The following EFNA5 variants were observed in gnomAD, a reference collection of about 807,000 sequenced individuals.
The protein encoded by EFNA5 is ephrin-A5.
In EFNA5, 5 loss-of-function variants were observed where a neutral mutation model predicts 22.9. That is an observed-to-expected ratio of 0.22 (90% CI 0.11 to 0.46). The LOEUF (loss-of-function observed/expected upper bound fraction) is 0.46. EFNA5 is among the 20% of genes least tolerant of loss of function. The pLI is 0.99. For missense variants in EFNA5, 237 were observed against 293.3 expected, an observed-to-expected ratio of 0.81 and a Z score of 1.40; for synonymous variants, 113 against 112.2, an observed-to-expected ratio of 1.01 and a Z score of -0.04.
At chr5:107,572,880 T>C (rs1337588198) in intron 1 of EFNA5, among the ~76,000 whole-genome samples, 1 of 152,198 alleles carries the variant, frequency 6.6e-6, no homozygotes, top group East Asian at 1.9e-4. Context: ...CTTATGATGA[T>C]TCCCTTCAGA....
chr5:107,388,316 G>T (rs1747692628), intron 2 of EFNA5, among the ~76,000 whole-genome samples: 1 of 152,126 alleles, frequency 6.6e-6, no homozygotes, highest in Admixed American at 6.6e-5. Flanking sequence ...TCAATTAGAG[G>T]TTTTACTCAG....
At chr5:107,465,018 C>A (rs1749934770) in intron 1 of EFNA5, among the ~76,000 whole-genome samples, 1 of 151,682 alleles carries the variant, frequency 6.6e-6, no homozygotes, top group Non-Finnish European at 1.5e-5. Flanking sequence ...GAAGCACGGC[C>A]TAAGGGTTTA....
At chr5:107,525,482 A>AT (rs1747676653) in intron 1 of EFNA5, among the ~76,000 whole-genome samples, 1 of 152,214 alleles carries the variant, frequency 6.6e-6, no homozygotes, top group Admixed American at 6.5e-5. Context: ...CTTAAACCTT[A>AT]AATACTAATA....
At chr5:107,533,966 C>A (rs1162232188) in intron 1 of EFNA5, among the ~76,000 whole-genome samples, 1 of 152,226 alleles carries the variant, frequency 6.6e-6, no homozygotes. Context: ...ATTCGGAAAG[C>A]TTTCCATATC....
intron 1 of EFNA5, among the ~76,000 whole-genome samples, chr5:107,472,689 T>C (rs908752244): frequency 2.6e-5 from 4 of 152,274 alleles, no homozygotes; most frequent in African/African-American, 9.6e-5. Context: ...CATGGACCTG[T>C]CTCAATCAAG....
At chr5:107,508,556 TA>T (rs1747298224) in intron 1 of EFNA5, among the ~76,000 whole-genome samples, 1 of 152,216 alleles carries the variant, frequency 6.6e-6, no homozygotes, top group Non-Finnish European at 1.5e-5. Context: ...CAAATTTTCA[TA>T]ATAACTTCAG....
chr5:107,604,991 T>C (rs1749681827), intron 1 of EFNA5, among the ~76,000 whole-genome samples: 1 of 152,212 alleles, frequency 6.6e-6, no homozygotes, highest in Non-Finnish European at 1.5e-5. Flanking sequence ...ACCAGCAGCC[T>C]AAAGACAGTG....
intron 2 of EFNA5, among the ~76,000 whole-genome samples, chr5:107,405,528 T>G (rs1748185482): frequency 6.6e-6 from 1 of 152,212 alleles, no homozygotes; most frequent in South Asian, 2.1e-4. Context: ...AATCAATGAA[T>G]GTCCTATTTA....
At chr5:107,382,969 A>G (rs1236166674) in intron 4 of EFNA5, among the ~76,000 whole-genome samples, 2 of 152,214 alleles carry the variant, frequency 1.3e-5, no homozygotes, top group African/African-American at 4.8e-5. Context: ...TGTCACAATA[A>G]GGGTGCTTTT....
chr5:107,640,684 A>C (rs1045589403), intron 1 of EFNA5, among the ~76,000 whole-genome samples: 1 of 152,238 alleles, frequency 6.6e-6, no homozygotes, highest in Admixed American at 6.5e-5. Context: ...GTCAATTTGG[A>C]AGAGGCTAAT....
intron 1 of EFNA5, among the ~76,000 whole-genome samples, chr5:107,546,072 G>T (rs1446035446): frequency 6.6e-6 from 1 of 152,142 alleles, no homozygotes; most frequent in African/African-American, 2.4e-5. Flanking sequence ...ACTGCCCAGA[G>T]AGATGGGGGC....
chr5:107,664,265 T>C (rs1198261550), intron 1 of EFNA5, among the ~76,000 whole-genome samples: 2 of 152,152 alleles, frequency 1.3e-5, no homozygotes, highest in South Asian at 2.1e-4. Flanking sequence ...TCATGCAAAA[T>C]AGTTGTAGTC....
At chr5:107,431,004 G>C (rs1363255851) in intron 1 of EFNA5, among the ~76,000 whole-genome samples, 1 of 152,042 alleles carries the variant, frequency 6.6e-6, no homozygotes, top group Non-Finnish European at 1.5e-5. Context: ...TCAATCTCCT[G>C]ACCTCGTGAT....
intron 1 of EFNA5, among the ~76,000 whole-genome samples, chr5:107,498,255 C>A (rs1352386444): frequency 1.3e-5 from 2 of 152,206 alleles, no homozygotes; most frequent in African/African-American, 2.4e-5. Context: ...AGTTTCAATG[C>A]AAATATAAGA....
At chr5:107,434,145 T>C (rs904078969) in intron 1 of EFNA5, among the ~76,000 whole-genome samples, 2 of 152,328 alleles carry the variant, frequency 1.3e-5, no homozygotes, top group South Asian at 4.1e-4. Context: ...ATTTTCAAAC[T>C]TGGGTGGCTG....
chr5:107,499,686 G>C (rs2112424098), intron 1 of EFNA5, among the ~76,000 whole-genome samples: 1 of 152,260 alleles, frequency 6.6e-6, no homozygotes, highest in Admixed American at 6.5e-5. Flanking sequence ...TCTTCTTTTG[G>C]TGTTTTAATT....
At chr5:107,588,325 C>T (rs1486464552) in intron 1 of EFNA5, among the ~76,000 whole-genome samples, 1 of 151,846 alleles carries the variant, frequency 6.6e-6, no homozygotes, top group Admixed American at 6.6e-5. Context: ...TTCTAGTCAC[C>T]CCAATTGTAT....
chr5:107,386,009 G>T (rs1014915276), intron 4 of EFNA5, among the ~76,000 whole-genome samples: 1 of 151,962 alleles, frequency 6.6e-6, no homozygotes, highest in Non-Finnish European at 1.5e-5. Flanking sequence ...GAAAGCTATT[G>T]TATGTCCTGA....
intron 1 of EFNA5, among the ~76,000 whole-genome samples, chr5:107,576,225 T>G (rs2112490909): frequency 6.6e-6 from 1 of 152,308 alleles, no homozygotes; most frequent in Non-Finnish European, 1.5e-5. Context: ...CATACTCTTT[T>G]TAAGTGAGAA....
Sources: allele counts gnomAD v4.1 joint callset (sites outside exome capture counted in the v4.1 genomes callset), GRCh38; gene constraint gnomAD v4.1.1; transcripts MANE v1.5; gene names NCBI Gene and HGNC (gene_info 2026-07-23, HGNC 2026-07-21).